The following BBS9 variants were observed in gnomAD, a reference collection of about 807,000 sequenced individuals.
BBS9 encodes the protein protein PTHB1.
Under a neutral mutation model 117.7 loss-of-function variants are expected in BBS9, and 89 were observed. The observed-to-expected ratio is 0.76, with a 90% CI of 0.64 to 0.90. The LOEUF (loss-of-function observed/expected upper bound fraction) is 0.90, where lower values mean the gene tolerates loss of function less well. Among genes scored for constraint, BBS9 ranks in the 40% least tolerant of loss-of-function variants. The pLI is 0.00. For missense variants in BBS9, 982 were observed against 1,042.2 expected (o/e 0.94, Z 0.80); for synonymous variants, 379 against 370.9 (o/e 1.02, Z -0.25).
At chr7:33,401,655 T>C (rs372281765) in intron 19 of BBS9, among the ~76,000 whole-genome samples, 6 of 152,280 alleles carry the variant, frequency 3.9e-5, no homozygotes, top group African/African-American at 4.8e-5. Flanking sequence ...CTAGAATCAA[T>C]AGAAGGAATA....
At chr7:33,435,157 T>C (rs1835112277) in intron 19 of BBS9, among the ~76,000 whole-genome samples, 1 of 152,148 alleles carries the variant, frequency 6.6e-6, no homozygotes, top group South Asian at 2.1e-4. Context: ...TGGTGGTCTT[T>C]TTAGTTGAAC....
intron 19 of BBS9, among the ~76,000 whole-genome samples, chr7:33,472,258 G>A (rs956495868): frequency 6.6e-6 from 1 of 152,150 alleles, no homozygotes; most frequent in African/African-American, 2.4e-5. Context: ...AAGTTCTGAG[G>A]GAAAAGAAGT....
chr7:33,614,177 A>C (rs1268421846), intron 21 of BBS9, among the ~76,000 whole-genome samples: 1 of 152,144 alleles, frequency 6.6e-6, no homozygotes, highest in Non-Finnish European at 1.5e-5. Context: ...AACTTCAGTG[A>C]AATGGTTATT....
intron 21 of BBS9, among the ~76,000 whole-genome samples, chr7:33,543,956 CT>C (rs1273953181): frequency 6.6e-6 from 1 of 152,134 alleles, no homozygotes; most frequent in Admixed American, 6.6e-5. Flanking sequence ...TCTTCGAGCT[CT>C]GATTTTTTTT....
chr7:33,547,788 T>C (rs60679030), intron 21 of BBS9, among the ~76,000 whole-genome samples: 19,391 of 152,188 alleles, frequency 0.13, 1,615 homozygotes, highest in Admixed American at 0.29. Flanking sequence ...AACATTATTG[T>C]TTCAAAATCG....
chr7:33,592,265 T>C (rs923304111), intron 21 of BBS9, among the ~76,000 whole-genome samples: 1 of 152,180 alleles, frequency 6.6e-6, no homozygotes, highest in East Asian at 1.9e-4. Context: ...TGCCGGGCAT[T>C]GTGATGAGCC....
intron 1 of BBS9, among the ~76,000 whole-genome samples, chr7:33,135,920 A>G (rs1254814634): frequency 1.3e-5 from 2 of 150,560 alleles, no homozygotes; most frequent in Non-Finnish European, 3.0e-5. Context: ...ATTCCTAAGT[A>G]TTCTTTTTTT....
In BBS9 at chr7:33,594,991, C is replaced by T. The variant is rs537585873; in HGVS notation, c.2522-9874C>T. Among the ~76,000 whole-genome samples, 20 of 152,062 alleles carry T rather than the reference C, an allele frequency of 1.3e-4. No individual in the cohort carries two copies. The East Asian group carries it at 1.5e-3, about 12-fold the overall frequency. ...GTGCTGGGAAAACTGGCTAGCCATA[C>T]GCAGAAAACTGAAACTGGACCCCTT... is the stretch of plus-strand genomic sequence containing the variant. On this transcript the variant is annotated intron_variant, in intron 21 of 22. Coordinates refer to ENST00000242067, the MANE Select transcript of BBS9 (RefSeq NM_198428.3).
At chr7:33,210,317 G>T (rs1787772180) in intron 5 of BBS9, among the ~76,000 whole-genome samples, 1 of 152,188 alleles carries the variant, frequency 6.6e-6, no homozygotes, top group Non-Finnish European at 1.5e-5. Flanking sequence ...CTAACATATG[G>T]TCTGTCCTTG....
intron 1 of BBS9, among the ~76,000 whole-genome samples, chr7:33,139,911 T>C (rs951688116): frequency 6.6e-6 from 1 of 152,092 alleles, no homozygotes; most frequent in Non-Finnish European, 1.5e-5. Flanking sequence ...TTGATACAGT[T>C]GGTCACTCCC....
intron 19 of BBS9, among the ~76,000 whole-genome samples, chr7:33,495,919 A>C (rs894243809): frequency 6.6e-6 from 1 of 152,188 alleles, no homozygotes; most frequent in Non-Finnish European, 1.5e-5. Context: ...ATATATTATA[A>C]AGAAATGTCT....
chr7:33,596,117 A>G (rs1862716908), intron 21 of BBS9, among the ~76,000 whole-genome samples: 1 of 151,920 alleles, frequency 6.6e-6, no homozygotes, highest in South Asian at 2.1e-4. Flanking sequence ...GCAGCAAACC[A>G]CTATGGCACA....
chr7:33,625,980 T>C (rs1865619850), intron 21 of BBS9, among the ~76,000 whole-genome samples: 1 of 152,182 alleles, frequency 6.6e-6, no homozygotes, highest in Non-Finnish European at 1.5e-5. Context: ...TGAATATGTA[T>C]CCATTTTGGA....
intron 5 of BBS9, among the ~76,000 whole-genome samples, chr7:33,234,099 C>G (rs1793007801): frequency 6.6e-6 from 1 of 152,100 alleles, no homozygotes; most frequent in South Asian, 2.1e-4. Flanking sequence ...ATCACATCGA[C>G]TGTGGTGGTG....
rs565494462 is a variant in BBS9, at chr7:33,175,502, G to A, written c.329-1976G>A. 5.9e-5 allele frequency among the ~76,000 whole-genome samples: 9 copies of A among 152,208 alleles called. No individual in the cohort carries two copies. In the East Asian group the frequency reaches 1.7e-3, roughly 29 times the overall value. The stretch of plus-strand genomic sequence containing the variant: ...CAAAGAATACCTCAGGTGTTGGGCA[G>A]CCCTCACAACCACCAGAGGAGGTTC... On this transcript the variant is annotated intron_variant, in intron 4 of 22. Coordinates refer to ENST00000242067, the MANE Select transcript of BBS9 (RefSeq NM_198428.3).
rs185954874 is a variant in BBS9, at chr7:33,227,618, C to A, written c.443-29618C>A. 5.2e-3 allele frequency among the ~76,000 whole-genome samples: 785 copies of A among 152,154 alleles called. 11 individuals are homozygous for A. The highest frequency in any genetic ancestry group is 0.018 in the African/African-American group (739 of 41,506). On this transcript the variant is annotated intron_variant, in intron 5 of 22. Transcript: ENST00000242067. ...CTTTCATCCTTCACCCCATTCCCAA[C>A]CTTCCCCCTACCCCCAAAGTCCTCT...
chr7:33,160,943 C>G (rs1341432511), intron 4 of BBS9, among the ~76,000 whole-genome samples: 1 of 152,008 alleles, frequency 6.6e-6, no homozygotes, highest in East Asian at 1.9e-4. Context: ...TTTTATACAA[C>G]CAGAAGACAT....
chr7:33,363,809 C>G (rs1031837149), intron 16 of BBS9, among the ~76,000 whole-genome samples: 18 of 150,758 alleles, frequency 1.2e-4, no homozygotes, highest in African/African-American at 4.4e-4. Flanking sequence ...ACATTCTTAT[C>G]GTTTTCTTCT....
intron 15 of BBS9, among the ~76,000 whole-genome samples, chr7:33,353,331 C>A (rs530866801): frequency 3.3e-5 from 5 of 152,224 alleles, no homozygotes; most frequent in African/African-American, 9.6e-5. Flanking sequence ...GGGCATATTC[C>A]TTGTCTTGTT....
Sources: allele counts gnomAD v4.1 joint callset (sites outside exome capture counted in the v4.1 genomes callset), GRCh38; gene constraint gnomAD v4.1.1; transcripts MANE v1.5; gene names NCBI Gene and HGNC (gene_info 2026-07-23, HGNC 2026-07-21).